NAP1L1: variants seen among roughly 807,000 people sequenced by gnomAD.
The protein encoded by NAP1L1 is nucleosome assembly protein 1-like 1.
In NAP1L1, 9 loss-of-function variants were observed where a neutral mutation model predicts 58.9. The observed-to-expected ratio is 0.15, with a 90% CI of 0.09 to 0.27. NAP1L1 has a LOEUF of 0.27. NAP1L1 is among the 10% of genes least tolerant of loss of function. NAP1L1 has a pLI of 1.00. For missense variants in NAP1L1, 302 were observed against 458.8 expected, an observed-to-expected ratio of 0.66 and a Z score of 3.12; for synonymous variants, 130 against 138.3, an observed-to-expected ratio of 0.94 and a Z score of 0.42.
chr12:76,058,450 G>A (rs1482682258), intron 6 of NAP1L1, among the ~76,000 whole-genome samples: 1 of 149,680 alleles, frequency 6.7e-6, no homozygotes, highest in Non-Finnish European at 1.5e-5. Flanking sequence ...GCAGTGGTGC[G>A]ATCTCGGCTC....
chr12:76,076,492 T>C (rs1236377519), intron 1 of NAP1L1, among the ~76,000 whole-genome samples: 1 of 147,334 alleles, frequency 6.8e-6, no homozygotes, highest in African/African-American at 2.5e-5. Context: ...TGAGTTGATA[T>C]GAAGGAACAC....
chr12:76,049,477 G>A (rs1029583003), intron 13 of NAP1L1: 8 of 1,535,504 alleles, frequency 5.2e-6, no homozygotes, highest in African/African-American at 1.4e-5. Flanking sequence ...TGCAGCCAAC[G>A]TTGGAAAAGT....
intron 2 of NAP1L1, among the ~76,000 whole-genome samples, chr12:76,072,028 T>C (rs1949974532): frequency 6.6e-6 from 1 of 150,644 alleles, no homozygotes; most frequent in South Asian, 2.1e-4. Context: ...GACCCTACAC[T>C]GAAATCCCAA....
rs921513852 is a variant in NAP1L1, at chr12:76,036,961, G to C, written c.*11468C>G. Reference sequence around the variant, plus strand: ...ACAGCGCCTGTAATCCCAGCTACTCGGGAGGCTGAGGCAGGAGAATTGCTT... The same window carrying C: ...ACAGCGCCTGTAATCCCAGCTACTCCGGAGGCTGAGGCAGGAGAATTGCTT... On this transcript the variant is annotated 3_prime_UTR_variant, in exon 15 of 15. Transcript: ENST00000618691. 1 of 151,568 alleles carries C rather than the reference G, an allele frequency of 6.6e-6. No individual in the cohort carries two copies. The highest frequency in any genetic ancestry group is 1.5e-5 in the Non-Finnish European group (1 of 68,024). 9.4% of individuals were successfully genotyped at this position (151,568 alleles called of 1,614,324 possible). A position where few individuals can be genotyped will look rare whatever the true frequency, so the allele number is the denominator to read the frequency against.
intron 1 of NAP1L1, among the ~76,000 whole-genome samples, chr12:76,078,023 A>T (rs1950260347): frequency 6.6e-6 from 1 of 150,686 alleles, no homozygotes; most frequent in African/African-American, 2.5e-5. Flanking sequence ...AAAAGTACAG[A>T]TGTTTTTTAA....
intron 8 of NAP1L1, among the ~76,000 whole-genome samples, chr12:76,054,647 C>T (rs965025716): frequency 2.0e-5 from 3 of 152,164 alleles, no homozygotes; most frequent in African/African-American, 7.2e-5. Flanking sequence ...CCTTAGTTGA[C>T]ATTAATTCTG....
chr12:76,050,558 T>G lies in NAP1L1; in HGVS notation c.1032A>C (p.Gly344=), dbSNP rs1394385069. The part of the protein sequence containing the change: ...IIPRSVLYFT[G]EAIEDDDDDY... Reference sequence around the variant, plus strand: ...CATCATCATCATCTTCAATAGCTTCTCCAGTAAAATATAACACTGATCTTG... The same window carrying G: ...CATCATCATCATCTTCAATAGCTTCGCCAGTAAAATATAACACTGATCTTG... The change falls in exon 12 of 15, where the codon GGA becomes GGC. Residue 344 remains glycine (G), a synonymous_variant. Coordinates refer to ENST00000618691, the MANE Select transcript of NAP1L1 (RefSeq NM_004537.7). 6.2e-7 allele frequency: 1 copy of G among 1,608,642 alleles called. No individual in the cohort carries two copies. Among genetic ancestry groups the G allele is most frequent in the Admixed American group, 1.7e-5 (1 of 58,376 alleles).
intron 1 of NAP1L1, among the ~76,000 whole-genome samples, chr12:76,076,213 G>A (rs1015916641): frequency 1.1e-4 from 16 of 151,928 alleles, no homozygotes; most frequent in Non-Finnish European, 1.5e-4. Flanking sequence ...TGCACATTCC[G>A]GTTAAGTAAG....
At chr12:76,066,776 A>G (rs2137047655) in intron 4 of NAP1L1, among the ~76,000 whole-genome samples, 1 of 152,246 alleles carries the variant, frequency 6.6e-6, no homozygotes, top group East Asian at 1.9e-4. Flanking sequence ...GTAGGTGGCA[A>G]TCCCACTGCT....
Position 76,049,804 on chromosome 12 carries a change from G to T in NAP1L1, c.1060-19C>A. 2.5e-6 allele frequency: 4 copies of T among 1,612,192 alleles called. No homozygotes were observed. Among genetic ancestry groups the T allele is most frequent in the Non-Finnish European group, 3.4e-6 (4 of 1,179,130 alleles). On this transcript the variant is annotated intron_variant, in intron 12 of 14. Coordinates refer to ENST00000618691, the MANE Select transcript of NAP1L1 (RefSeq NM_004537.7). ...CATCATACTGAAAAGGAAAAACAGC[G>T]TTAAGTGTTGAGTGAATGTAACACA...
chr12:76,078,038 A>G (rs962742033), intron 1 of NAP1L1, among the ~76,000 whole-genome samples: 1 of 152,000 alleles, frequency 6.6e-6, no homozygotes, highest in Admixed American at 6.6e-5. Flanking sequence ...TTTTAACAAA[A>G]ACATTTTGTT....
intron 4 of NAP1L1, among the ~76,000 whole-genome samples, chr12:76,062,514 A>T (rs896155376): frequency 1.3e-5 from 2 of 152,228 alleles, no homozygotes; most frequent in Non-Finnish European, 2.9e-5. Context: ...AGAGAATTTA[A>T]ACAAGAATGT....
intron 1 of NAP1L1, among the ~76,000 whole-genome samples, chr12:76,082,631 A>C (rs1178423064): frequency 1.3e-5 from 2 of 152,214 alleles, no homozygotes; most frequent in Non-Finnish European, 2.9e-5. Flanking sequence ...TCTCCAAAGG[A>C]CAGTATTCTT....
Position 76,038,039 on chromosome 12 carries a change from C to T in NAP1L1, c.*10390G>A, listed in dbSNP as rs1318625597. The stretch of plus-strand genomic sequence containing the variant: ...TATGGTAATATTAGCTTTGAAGTGA[C>T]AAACGAAAATATGGAACTGGATGAA... On this transcript the variant is annotated 3_prime_UTR_variant, in exon 15 of 15. Transcript: ENST00000618691. 1 of 152,110 alleles carries T rather than the reference C, an allele frequency of 6.6e-6. No homozygotes were observed. Among genetic ancestry groups the T allele is most frequent in the Non-Finnish European group, 1.5e-5 (1 of 68,026 alleles). The allele number at this position is 152,110 out of a possible 1,614,324, so 9.4% of individuals were successfully genotyped here.
chr12:76,080,248 T>A (rs141288541), intron 1 of NAP1L1, among the ~76,000 whole-genome samples: 1 of 152,332 alleles, frequency 6.6e-6, no homozygotes, highest in African/African-American at 2.4e-5. Context: ...GTGGTGATGC[T>A]GGTATAAACA....
Position 76,084,629 on chromosome 12 carries a change from G to GGCA in NAP1L1, c.-86_-84dup, listed in dbSNP as rs954915697. 6.5e-6 allele frequency: 1 copy of GGCA among 153,790 alleles called. No individual in the cohort carries two copies. Among genetic ancestry groups the GGCA allele is most frequent in the Non-Finnish European group, 1.4e-5 (1 of 69,318 alleles). The allele number at this position is 153,790 out of a possible 1,614,324, so 9.5% of individuals were successfully genotyped here. On this transcript the variant is annotated 5_prime_UTR_variant, in exon 1 of 15. Coordinates refer to ENST00000618691, the MANE Select transcript of NAP1L1 (RefSeq NM_004537.7). Reference sequence around the variant, plus strand: ...GCAGGCAGTGACTCAGGGCGGCAGCGGCAGCAGCAGCGGGAGGAGCAGGAG... The same window carrying GGCA: ...GCAGGCAGTGACTCAGGGCGGCAGCGGCAGCAGCAGCAGCGGGAGGAGCAGGAG...
chr12:76,076,738 G>T (rs1024615224), intron 1 of NAP1L1, among the ~76,000 whole-genome samples: 1 of 151,832 alleles, frequency 6.6e-6, no homozygotes, highest in Non-Finnish European at 1.5e-5. Flanking sequence ...AGTCATGTGT[G>T]GATTATATGT....
intron 1 of NAP1L1, among the ~76,000 whole-genome samples, chr12:76,082,900 C>A (rs527945170): frequency 3.9e-5 from 6 of 152,280 alleles, no homozygotes; most frequent in African/African-American, 1.2e-4. Flanking sequence ...TTGAATCCAC[C>A]TATTTTCAAA....
chr12:76,058,607 C>T (rs1415815767), intron 6 of NAP1L1, among the ~76,000 whole-genome samples: 4 of 152,010 alleles, frequency 2.6e-5, no homozygotes, highest in Admixed American at 6.5e-5. Flanking sequence ...AGGCTGGTCT[C>T]GAACTCCTGA....
Sources: gnomAD v4.1 joint callset for allele counts (sites outside exome capture counted in the v4.1 genomes callset) on GRCh38, gnomAD v4.1.1 for gene constraint, MANE v1.5 for transcripts, NCBI Gene and HGNC (gene_info 2026-07-23, HGNC 2026-07-21) for gene names.